The following MNAT1 variants were observed in gnomAD, a reference collection of about 807,000 sequenced individuals.
The protein encoded by MNAT1 is CDK-activating kinase assembly factor MAT1.
In MNAT1, 43 loss-of-function variants were observed where a neutral mutation model predicts 42.0. That is an observed-to-expected ratio of 1.02 (90% confidence interval 0.80 to 1.32). MNAT1 has a LOEUF of 1.32. Among genes scored for constraint, MNAT1 ranks in the 40% most tolerant of loss-of-function variants. The pLI is 0.00. For synonymous variants in MNAT1, 118 were observed against 120.0 expected, an observed-to-expected ratio of 0.98 and a Z score of 0.11; for missense variants, 306 against 350.4, an observed-to-expected ratio of 0.87 and a Z score of 1.01.
chr14:60,757,996 C>A (rs1017274801), intron 1 of MNAT1, among the ~76,000 whole-genome samples: 1 of 152,044 alleles, frequency 6.6e-6, no homozygotes, highest in African/African-American at 2.4e-5. Context: ...TTGGAACCAT[C>A]TAAGGAGCAT....
chr14:60,823,526 T>A (rs1167187290), intron 6 of MNAT1, among the ~76,000 whole-genome samples: 2 of 152,218 alleles, frequency 1.3e-5, no homozygotes, highest in Admixed American at 1.3e-4. Flanking sequence ...TACCTTTAAT[T>A]TTCTTTCTTG....
chr14:60,761,412 G>C (rs1455700138), intron 1 of MNAT1, among the ~76,000 whole-genome samples: 2 of 152,190 alleles, frequency 1.3e-5, no homozygotes, highest in Non-Finnish European at 2.9e-5. Flanking sequence ...TGTTCTCTAA[G>C]TGAAAACTAT....
intron 5 of MNAT1, among the ~76,000 whole-genome samples, chr14:60,812,826 C>G (rs920963895): frequency 6.6e-6 from 1 of 152,124 alleles, no homozygotes; most frequent in Non-Finnish European, 1.5e-5. Flanking sequence ...CTCCAGCTCC[C>G]CTCTCTGCTA....
chr14:60,785,318 A>G (rs1249322855), intron 1 of MNAT1, among the ~76,000 whole-genome samples: 1 of 152,206 alleles, frequency 6.6e-6, no homozygotes, highest in African/African-American at 2.4e-5. Context: ...CTAATCAGAA[A>G]AATAAAAAAT....
chr14:60,943,036 G>T (rs1166008719), intron 7 of MNAT1, among the ~76,000 whole-genome samples: 1 of 127,048 alleles, frequency 7.9e-6, no homozygotes, highest in African/African-American at 3.1e-5. Context: ...GTGTGTGTGT[G>T]TGTGTGTGTG....
chr14:60,842,531 T>G (rs1468047776), intron 6 of MNAT1, among the ~76,000 whole-genome samples: 1 of 152,218 alleles, frequency 6.6e-6, no homozygotes. Context: ...CTGGAAACCA[T>G]TGATTCTTAT....
intron 1 of MNAT1, chr14:60,779,983 G>A: frequency 6.4e-7 from 1 of 1,560,954 alleles, no homozygotes; most frequent in Non-Finnish European, 8.8e-7. Flanking sequence ...TGGCCATGGC[G>A]CTGCAGCTCT....
rs770781369 is a variant in MNAT1 at position 60,796,388 on chromosome 14, A to G, written c.242+19A>G. 5 of 1,601,086 alleles carry G rather than the reference A, an allele frequency of 3.1e-6. No individual in the cohort carries two copies. The South Asian group carries it at 3.4e-5, about 11-fold the overall frequency. On this transcript the variant is annotated intron_variant, in intron 2 of 7. Coordinates refer to ENST00000261245, the MANE Select transcript of MNAT1 (RefSeq NM_002431.4). ...TAAAGATGTAAGTATTCCTGCTCGAATGATTCAGTCAACAAAGAGGACTTT... is the reference window on the plus strand; with the variant it reads ...TAAAGATGTAAGTATTCCTGCTCGAGTGATTCAGTCAACAAAGAGGACTTT...
intron 6 of MNAT1, among the ~76,000 whole-genome samples, chr14:60,852,251 T>C (rs185287478): frequency 6.6e-6 from 1 of 152,358 alleles, no homozygotes; most frequent in African/African-American, 2.4e-5. Context: ...TGGTATCTCA[T>C]TGTGGTTTTG....
At chr14:60,921,440 A>T (rs553488494) in intron 7 of MNAT1, among the ~76,000 whole-genome samples, 1 of 152,316 alleles carries the variant, frequency 6.6e-6, no homozygotes, top group South Asian at 2.1e-4. Context: ...TTTATAATAT[A>T]GAAAATCATA....
chr14:60,746,923 T>TATATATATAG (rs1330097755), intron 1 of MNAT1, among the ~76,000 whole-genome samples: 1 of 25,820 alleles, frequency 3.9e-5, no homozygotes, highest in Non-Finnish European at 6.4e-5. Context: ...TATATATATA[T>TATATATATAG]ACACACACAC....
intron 6 of MNAT1, among the ~76,000 whole-genome samples, chr14:60,835,078 CT>C (rs1011196458): frequency 6.7e-6 from 1 of 149,022 alleles, no homozygotes; most frequent in Non-Finnish European, 1.5e-5. Flanking sequence ...TCAAGCCTGG[CT>C]TTTTTTTGCT....
chr14:60,764,815 A>G (rs1216348030), intron 1 of MNAT1, among the ~76,000 whole-genome samples: 6 of 152,210 alleles, frequency 3.9e-5, no homozygotes, highest in Non-Finnish European at 8.8e-5. Flanking sequence ...GTCTGGCCTG[A>G]TTATAAAAGG....
intron 7 of MNAT1, among the ~76,000 whole-genome samples, chr14:60,955,930 T>C (rs1348805164): frequency 1.3e-5 from 2 of 152,102 alleles, no homozygotes; most frequent in East Asian, 3.8e-4. Context: ...TAAAGGTTTG[T>C]GAGTTTTATG....
chr14:60,933,268 T>C (rs1339876062), intron 7 of MNAT1, among the ~76,000 whole-genome samples: 6 of 152,114 alleles, frequency 3.9e-5, no homozygotes, highest in Non-Finnish European at 7.4e-5. Flanking sequence ...CTTCTTCTAA[T>C]TTGATCAATT....
At chr14:60,759,034 T>C (rs948618035) in intron 1 of MNAT1, among the ~76,000 whole-genome samples, 1 of 152,140 alleles carries the variant, frequency 6.6e-6, no homozygotes, top group Non-Finnish European at 1.5e-5. Flanking sequence ...TTTCAAACTG[T>C]GTTGCCTGAG....
intron 7 of MNAT1, among the ~76,000 whole-genome samples, chr14:60,950,715 A>G (rs955542625): frequency 1.3e-5 from 2 of 152,186 alleles, no homozygotes; most frequent in African/African-American, 4.8e-5. Context: ...CCCCTGATGT[A>G]TAGCTTACCC....
At chr14:60,743,590 C>T (rs1896535362) in intron 1 of MNAT1, among the ~76,000 whole-genome samples, 1 of 152,182 alleles carries the variant, frequency 6.6e-6, no homozygotes, top group Admixed American at 6.5e-5. Context: ...CGCCCAGCTC[C>T]TTAGCATTTC....
chr14:60,737,315 A>G (rs1896333777), intron 1 of MNAT1, among the ~76,000 whole-genome samples: 1 of 152,164 alleles, frequency 6.6e-6, no homozygotes, highest in South Asian at 2.1e-4. Flanking sequence ...TTCTATGCAT[A>G]TACAAACATG....
Sources: allele counts gnomAD v4.1 joint callset (sites outside exome capture counted in the v4.1 genomes callset), GRCh38; gene constraint gnomAD v4.1.1; transcripts MANE v1.5; gene names NCBI Gene and HGNC (gene_info 2026-07-23, HGNC 2026-07-21).